Variants in SF3B1 observed in about 807,000 individuals in gnomAD.
SF3B1 encodes the protein pre-mRNA processing 10.
SF3B1 carries 12 observed loss-of-function variants against 153.8 expected under a neutral mutation model. The ratio of observed to expected loss-of-function variants is 0.08; its 90% CI spans 0.05 to 0.13. The LOEUF is 0.13. Ranked by LOEUF, SF3B1 falls within the 10% of genes least tolerant of loss-of-function variation. The probability of loss-of-function intolerance (pLI) is 1.00; values close to 1 mark genes in which losing one functional copy is unlikely to be tolerated. For missense variants in SF3B1, 513 were observed against 1,606.1 expected, an observed-to-expected ratio of 0.32 and a Z score of 11.63; for synonymous variants, 498 against 525.2, an observed-to-expected ratio of 0.95 and a Z score of 0.71.
Position 197,390,387 on chromosome 2 carries a change from A to G in SF3B1, c.*1916T>C, listed in dbSNP as rs2084796935. 6.6e-6 allele frequency: 1 copy of G among 152,230 alleles called. No homozygotes were observed. The highest frequency in any genetic ancestry group is 1.5e-5 in the Non-Finnish European group (1 of 68,048). 9.4% of individuals were successfully genotyped at this position (152,230 alleles called of 1,614,324 possible). A position where few individuals can be genotyped will look rare whatever the true frequency, so the allele number is the denominator to read the frequency against. ...TGTAATCTATTTGTATTCAATTCTC[A>G]GTCATTACTGAAGGTCATTTGACAT... is the stretch of plus-strand genomic sequence containing the variant. On this transcript the variant is annotated 3_prime_UTR_variant, in exon 25 of 25. Transcript: ENST00000335508.
chr2:197,414,360 T>C (rs2085116856), intron 6 of SF3B1, among the ~76,000 whole-genome samples: 2 of 152,114 alleles, frequency 1.3e-5, no homozygotes, highest in Non-Finnish European at 2.9e-5. Flanking sequence ...TCCTAGGGAT[T>C]GAGCACAGAT....
Position 197,400,224 on chromosome 2 carries a change from GAAGT to G in SF3B1, c.2901+24_2901+27del, listed in dbSNP as rs2084924293. ...TATTTACATTAAACTATTTGGGGAA[GAAGT>G]AAGAATTTGATGCAAAAGTTTACCT... On this transcript the variant is annotated intron_variant, in intron 19 of 24. Coordinates refer to ENST00000335508, the MANE Select transcript of SF3B1 (RefSeq NM_012433.4). This position sits in a 1 kb window ranked among gnomAD's most constrained non-coding sequence, Gnocchi z 5.0. 6 of 1,611,634 alleles carry G rather than the reference GAAGT, an allele frequency of 3.7e-6. No individual in the cohort carries two copies. The highest frequency in any genetic ancestry group is 1.7e-5 in the Admixed American group (1 of 59,904).
intron 4 of SF3B1, chr2:197,418,998 T>G: frequency 6.9e-7 from 1 of 1,449,068 alleles, no homozygotes; most frequent in Non-Finnish European, 9.5e-7. Context: ...GAAAGATATT[T>G]ATATTCAAAA....
intron 20 of SF3B1, among the ~76,000 whole-genome samples, chr2:197,399,566 T>C (rs1349124132): frequency 6.6e-6 from 1 of 152,228 alleles, no homozygotes; most frequent in African/African-American, 2.4e-5. Context: ...AACTTGGGTA[T>C]GTAAATAAAG....
At position 197,408,732 on chromosome 2, in the gene SF3B1, G is replaced by A. The variant is rs182111387; in HGVS notation, c.905-151C>T. On this transcript the variant is annotated intron_variant, in intron 7 of 24. Coordinates refer to ENST00000335508, the MANE Select transcript of SF3B1 (RefSeq NM_012433.4). The stretch of plus-strand genomic sequence containing the variant: ...ATTTAAAGTTGTTTGAGACCAGCCT[G>A]ATCAACATGATGAAACTCTGTCTCT... The A allele has an allele frequency of 1.4e-4, 87 of 615,136 alleles. No individual in the cohort carries two copies. In the African/African-American group the frequency reaches 1.6e-3, roughly 11 times the overall value. The allele number at this position is 615,136 out of a possible 1,614,324, so 38.1% of individuals were successfully genotyped here. A position where few individuals can be genotyped will look rare whatever the true frequency, so the allele number is the denominator to read the frequency against.
rs375651486 is a variant in SF3B1 at position 197,411,850 on chromosome 2, C to T, written c.667-1843G>A. On this transcript the variant is annotated intron_variant, in intron 6 of 24. Coordinates refer to ENST00000335508, the MANE Select transcript of SF3B1 (RefSeq NM_012433.4). Reference sequence around the variant, plus strand: ...TGGTGGTTCATGCCTGTAATCCCAGCACTTTGGGAGGCCAGGCAGGCAGAT... The same window carrying T: ...TGGTGGTTCATGCCTGTAATCCCAGTACTTTGGGAGGCCAGGCAGGCAGAT... Among the ~76,000 whole-genome samples the T allele has an allele frequency of 1.2e-3, 184 of 152,158 alleles. 5 individuals carry two copies. In the South Asian group the frequency reaches 0.03, roughly 25 times the overall value.
chr2:197,413,300 C>T (rs1268081111), intron 6 of SF3B1, among the ~76,000 whole-genome samples: 4 of 152,126 alleles, frequency 2.6e-5, no homozygotes, highest in African/African-American at 4.8e-5. Flanking sequence ...ACTTGGGAGG[C>T]TGAGGCACAA....
At chr2:197,405,874 TA>T (rs1236564238) in intron 9 of SF3B1, among the ~76,000 whole-genome samples, 1 of 152,054 alleles carries the variant, frequency 6.6e-6, no homozygotes, top group Non-Finnish European at 1.5e-5. Context: ...GCATAAAACA[TA>T]AAAAATTATA....
rs185039825 is a variant in SF3B1, at chr2:197,432,815, G to A, written c.28+2157C>T. On this transcript the variant is annotated intron_variant, in intron 1 of 24. Coordinates refer to ENST00000335508, the MANE Select transcript of SF3B1 (RefSeq NM_012433.4). ...TAAAAGGCGGAGGTTGCTGTGAGCC[G>A]AGATTGCACCACTGCACTTCTGCCT... 1.2e-3 allele frequency among the ~76,000 whole-genome samples: 187 copies of A among 152,086 alleles called. 5 individuals are homozygous for A. The South Asian group carries it at 0.03, about 24-fold the overall frequency.
At chr2:197,410,227 A>C (rs1464434210) in intron 6 of SF3B1, among the ~76,000 whole-genome samples, 2 of 152,178 alleles carry the variant, frequency 1.3e-5, no homozygotes, top group African/African-American at 4.8e-5. Flanking sequence ...AGCACTGACA[A>C]AAGTCCCAGC....
chr2:197,412,149 GA>G (rs2085078603), intron 6 of SF3B1, among the ~76,000 whole-genome samples: 1 of 149,734 alleles, frequency 6.7e-6, no homozygotes, highest in Non-Finnish European at 1.5e-5. Flanking sequence ...ACTCAGGGTT[GA>G]AAAATTCTGG....
chr2:197,424,220 TGG>T (rs916580831), intron 1 of SF3B1, among the ~76,000 whole-genome samples: 5 of 152,042 alleles, frequency 3.3e-5, no homozygotes, highest in Non-Finnish European at 5.9e-5. Flanking sequence ...TGGGCAGATC[TGG>T]GTGCTGTGGC....
intron 6 of SF3B1, 44 bp from the exon 7 acceptor site, chr2:197,410,051 A>G (rs1483925926): frequency 7.8e-7 from 1 of 1,282,200 alleles, no homozygotes; most frequent in East Asian, 2.3e-5. Flanking sequence ...CCACACAGAA[A>G]TAATTAGAAA....
chr2:197,429,516 G>C (rs2085392559), intron 1 of SF3B1, among the ~76,000 whole-genome samples: 1 of 152,166 alleles, frequency 6.6e-6, no homozygotes, highest in African/African-American at 2.4e-5. Context: ...CGGCACGGTG[G>C]CTCACGCCTG....
chr2:197,395,068 T>C (rs988520989), intron 23 of SF3B1, among the ~76,000 whole-genome samples: 81 of 152,242 alleles, frequency 5.3e-4, no homozygotes, highest in African/African-American at 1.8e-3. Context: ...ATTAATAAAA[T>C]TTCCAACTGA....
At chr2:197,415,257 T>A (rs2085130480) in intron 6 of SF3B1, among the ~76,000 whole-genome samples, 1 of 151,340 alleles carries the variant, frequency 6.6e-6, no homozygotes, top group South Asian at 2.1e-4. Flanking sequence ...TTTAATTATT[T>A]ATTTATTTAT....
chr2:197,400,216 T>G lies in SF3B1; in HGVS notation c.2901+36A>C. The G allele has an allele frequency of 6.2e-7, 1 of 1,611,134 alleles. No homozygotes were observed. The highest frequency in any genetic ancestry group is 8.5e-7 in the Non-Finnish European group (1 of 1,177,624). On this transcript the variant is annotated intron_variant, in intron 19 of 24. Coordinates refer to ENST00000335508, the MANE Select transcript of SF3B1 (RefSeq NM_012433.4). The surrounding 1 kb of genome is among the most constrained non-coding windows in gnomAD (Gnocchi z 5.0). ...AATGTTACTATTTACATTAAACTAT[T>G]TGGGGAAGAAGTAAGAATTTGATGC...
At chr2:197,423,223 C>G (rs546935489) in intron 2 of SF3B1, among the ~76,000 whole-genome samples, 23 of 152,018 alleles carry the variant, frequency 1.5e-4, no homozygotes, top group African/African-American at 5.3e-4. Flanking sequence ...CCCATCTCTA[C>G]TAAAAATACA....
chr2:197,406,682 C>T (rs1409707770), intron 9 of SF3B1, among the ~76,000 whole-genome samples: 2 of 152,198 alleles, frequency 1.3e-5, no homozygotes, highest in Admixed American at 6.5e-5. Context: ...TTCTGTCTAT[C>T]TATACCCACA....
Sources: allele counts gnomAD v4.1 joint callset (sites outside exome capture counted in the v4.1 genomes callset), GRCh38; gene constraint gnomAD v4.1.1; non-coding constraint Gnocchi (gnomAD v3.1); transcripts MANE v1.5; gene names NCBI Gene and HGNC (gene_info 2026-07-23, HGNC 2026-07-21).